Variants in TANGO6 observed in about 807,000 individuals in gnomAD.
TANGO6 encodes transport and Golgi organization protein 6 homolog.
Under a neutral mutation model 114.2 loss-of-function variants are expected in TANGO6, and 90 were observed. The observed-to-expected ratio is 0.79, with a 90% confidence interval of 0.66 to 0.94. The LOEUF (loss-of-function observed/expected upper bound fraction) is 0.94, where lower values mean the gene tolerates loss of function less well. TANGO6 is among the 40% of genes least tolerant of loss of function. TANGO6 has a pLI of 0.00. For synonymous variants in TANGO6, 477 were observed against 509.8 expected (o/e 0.94, Z 0.87); for missense variants, 1,274 against 1,315.3 (o/e 0.97, Z 0.49).
At chr16:68,900,315 G>T in intron 7 of TANGO6, 119 bp from the exon 8 acceptor site, 1 of 748,344 alleles carries the variant, frequency 1.3e-6, no homozygotes. Context: ...AGCTAAAATG[G>T]TGTGATTCGG....
chr16:68,891,024 C>CA (rs1239776133), intron 7 of TANGO6, among the ~76,000 whole-genome samples: 181 of 119,734 alleles, frequency 1.5e-3, no homozygotes, highest in South Asian at 2.5e-3. Context: ...GACTCCATCT[C>CA]AAAAAAAAAA....
chr16:68,919,177 G>A lies in TANGO6; in HGVS notation c.2085G>A (p.Met695Ile), dbSNP rs1263471276. Residue 695 changes from methionine to isoleucine, a missense_variant, in exon 12 of 18, where the codon ATG becomes ATA. Physicochemically the swap from Met to Ile is conservative, Grantham distance 10. Coordinates refer to ENST00000261778, the MANE Select transcript of TANGO6 (RefSeq NM_024562.2). ...ESTVESQTLS[M>I]SMGLVAVMLG... ...CCGTGGAATCACAGACGCTGAGCAT[G>A]TCCATGGGGCTGGTGGCTGTCATGC... is the stretch of plus-strand genomic sequence containing the variant. The A allele has an allele frequency of 5.0e-6, 8 of 1,612,780 alleles. No homozygotes were observed. The highest frequency in any genetic ancestry group is 6.8e-6 in the Non-Finnish European group (8 of 1,179,548).
chr16:68,886,178 A>G (rs1364083965), intron 7 of TANGO6, among the ~76,000 whole-genome samples: 1 of 150,930 alleles, frequency 6.6e-6, no homozygotes, highest in Non-Finnish European at 1.5e-5. Context: ...GGCCATTTTC[A>G]TGTCTTCTTT....
intron 3 of TANGO6, among the ~76,000 whole-genome samples, chr16:68,865,248 C>T (rs1166595276): frequency 6.6e-6 from 1 of 150,974 alleles, no homozygotes; most frequent in Non-Finnish European, 1.5e-5. Context: ...TGCACTCCAG[C>T]CTGGGCTACT....
Position 68,919,199 on chromosome 16 carries a change from A to G in TANGO6, c.2107A>G (p.Met703Val), listed in dbSNP as rs557273049. 6 of 1,612,922 alleles carry G rather than the reference A, an allele frequency of 3.7e-6. No homozygotes were observed. Among genetic ancestry groups the G allele is most frequent in the Non-Finnish European group, 3.4e-6 (4 of 1,179,584 alleles). ...CATGTCCATGGGGCTGGTGGCTGTC[A>G]TGCTAGGAGGAGCTGTTCAGGTGAG... is the stretch of plus-strand genomic sequence containing the variant. ...LSMSMGLVAV[M>V]LGGAVQLKSS... Residue 703 changes from methionine (M) to valine (V), a missense_variant, in exon 12 of 18, where the codon ATG becomes GTG. Met to Val is a conservative substitution (Grantham distance 21). Coordinates refer to ENST00000261778, the MANE Select transcript of TANGO6 (RefSeq NM_024562.2).
At chr16:68,867,499 C>A in intron 4 of TANGO6, 1 of 299,986 alleles carries the variant, frequency 3.3e-6, no homozygotes, top group Middle Eastern at 1.0e-3. Flanking sequence ...CTGGGGAAAA[C>A]ATTACACAGA....
chr16:69,019,173 C>A (rs1959358667), intron 15 of TANGO6, among the ~76,000 whole-genome samples: 1 of 152,180 alleles, frequency 6.6e-6, no homozygotes, highest in African/African-American at 2.4e-5. Flanking sequence ...TATTTCTTCT[C>A]ATTTTTCACG....
intron 14 of TANGO6, 90 bp downstream of exon 14, chr16:68,930,385 A>G: frequency 1.9e-6 from 2 of 1,072,952 alleles, no homozygotes; most frequent in Non-Finnish European, 2.8e-6. Context: ...TCCTAGGGCC[A>G]GGAGACTACT....
intron 1 of TANGO6, among the ~76,000 whole-genome samples, chr16:68,857,049 C>T (rs914374923): frequency 2.0e-5 from 3 of 152,230 alleles, no homozygotes; most frequent in African/African-American, 7.2e-5. Flanking sequence ...GCGGAGTTTG[C>T]AGTGAGCCAA....
At chr16:69,018,230 G>A (rs1237792048) in intron 15 of TANGO6, among the ~76,000 whole-genome samples, 10 of 132,236 alleles carry the variant, frequency 7.6e-5, no homozygotes, top group Non-Finnish European at 1.2e-4. Context: ...TGCAAGCTCC[G>A]CCTCCCGGGT....
rs550910466 is a variant in TANGO6 at position 69,070,126 on chromosome 16, T to G, written c.3109-13359T>G. Among the ~76,000 whole-genome samples, 4 of 151,260 alleles carry G rather than the reference T, an allele frequency of 2.6e-5. No homozygotes were observed. The East Asian group carries it at 7.8e-4, about 29-fold the overall frequency. On this transcript the variant is annotated intron_variant, in intron 17 of 17. Transcript: ENST00000261778. The stretch of plus-strand genomic sequence containing the variant: ...AGGAGGCTGAGGCAGGAGAATCACT[T>G]GAACCCAGGAAGCGGAGGTTGCAGT...
chr16:68,949,059 G>A (rs1234400700), intron 14 of TANGO6, among the ~76,000 whole-genome samples: 1 of 152,186 alleles, frequency 6.6e-6, no homozygotes, highest in African/African-American at 2.4e-5. Flanking sequence ...GGTGGTGCAT[G>A]CCTCTAATCC....
intron 14 of TANGO6, among the ~76,000 whole-genome samples, chr16:68,934,830 TC>T (rs1169162925): frequency 1.3e-5 from 2 of 152,132 alleles, no homozygotes; most frequent in African/African-American, 4.8e-5. Context: ...GGAATAAGCG[TC>T]TTAGTTGATT....
At chr16:68,858,793 T>C (rs1223394394) in intron 1 of TANGO6, among the ~76,000 whole-genome samples, 1 of 152,168 alleles carries the variant, frequency 6.6e-6, no homozygotes, top group African/African-American at 2.4e-5. Flanking sequence ...CTTTTTACTT[T>C]TCTGATATAA....
intron 3 of TANGO6, 46 bp downstream of exon 3, chr16:68,863,107 G>T: frequency 8.3e-7 from 1 of 1,203,656 alleles, no homozygotes; most frequent in Non-Finnish European, 1.1e-6. Flanking sequence ...TAATGATAAT[G>T]TGTGGTTTGC....
chr16:69,070,330 T>C (rs914708560), intron 17 of TANGO6, among the ~76,000 whole-genome samples: 6 of 151,520 alleles, frequency 4.0e-5, no homozygotes, highest in Admixed American at 3.3e-4. Flanking sequence ...CTTATATATA[T>C]AGGATAGAAA....
intron 9 of TANGO6, among the ~76,000 whole-genome samples, chr16:68,905,783 G>T (rs1307634645): frequency 6.6e-6 from 1 of 152,016 alleles, no homozygotes; most frequent in Non-Finnish European, 1.5e-5. Context: ...TGAAGTGGGA[G>T]GATTGCCTCA....
chr16:69,052,901 G>C (rs964252368), intron 17 of TANGO6, among the ~76,000 whole-genome samples: 7 of 152,128 alleles, frequency 4.6e-5, no homozygotes, highest in Non-Finnish European at 8.8e-5. Context: ...CTGAGGTCAG[G>C]AGTTCGAGAC....
In TANGO6 at chr16:69,084,916, G is replaced by A. The variant is rs571192688; in HGVS notation, c.*1255G>A. On this transcript the variant is annotated 3_prime_UTR_variant, in exon 18 of 18. Transcript: ENST00000261778. ...CTGGCCAGATCACAGACATGGTTCT[G>A]AGTCAGATCTTCCTTGGTGGCATCC... 1 of 152,490 alleles carries A rather than the reference G, an allele frequency of 6.6e-6. No homozygotes were observed. Among genetic ancestry groups the A allele is most frequent in the African/African-American group, 2.4e-5 (1 of 41,586 alleles). 9.4% of individuals were successfully genotyped at this position (152,490 alleles called of 1,614,324 possible).
Sources: allele counts gnomAD v4.1 joint callset (sites outside exome capture counted in the v4.1 genomes callset), GRCh38; gene constraint gnomAD v4.1.1; transcripts MANE v1.5; gene names NCBI Gene and HGNC (gene_info 2026-07-23, HGNC 2026-07-21).